The following CNTNAP4 variants were observed in gnomAD, a reference collection of about 807,000 sequenced individuals.
CNTNAP4 encodes the protein contactin associated protein family member 4, also known as contactin-associated protein-like 4.
CNTNAP4 carries 98 observed loss-of-function variants against 148.4 expected under a neutral mutation model. That is an observed-to-expected ratio of 0.66 (90% confidence interval 0.56 to 0.78). CNTNAP4 has a LOEUF of 0.78. CNTNAP4 is among the 30% of genes least tolerant of loss of function. The pLI, the probability that CNTNAP4 is intolerant of heterozygous loss-of-function variation, is 0.00. For missense variants in CNTNAP4, 1,935 were observed against 1,565.6 expected (o/e 1.24, Z -3.98); for synonymous variants, 730 against 565.1 (o/e 1.29, Z -4.14).
chr16:76,532,957 A>G (rs1020170739), intron 17 of CNTNAP4, among the ~76,000 whole-genome samples: 1 of 152,170 alleles, frequency 6.6e-6, no homozygotes, highest in Non-Finnish European at 1.5e-5. Context: ...AAATAGAACT[A>G]CAATGTGATC....
At chr16:76,329,580 A>G (rs898986863) in intron 2 of CNTNAP4, among the ~76,000 whole-genome samples, 5 of 152,192 alleles carry the variant, frequency 3.3e-5, no homozygotes, top group African/African-American at 1.2e-4. Flanking sequence ...CTCAAATAAG[A>G]CATTTTATCA....
chr16:76,289,495 A>G (rs1260028615), intron 1 of CNTNAP4, among the ~76,000 whole-genome samples: 2 of 150,648 alleles, frequency 1.3e-5, no homozygotes, highest in Non-Finnish European at 2.9e-5. Context: ...GCCTACAAAC[A>G]TATGCAAGAT....
At chr16:76,536,999 C>G (rs1283441799) in intron 18 of CNTNAP4, among the ~76,000 whole-genome samples, 1 of 152,124 alleles carries the variant, frequency 6.6e-6, no homozygotes, top group Non-Finnish European at 1.5e-5. Context: ...TGGCCAAATG[C>G]TCTTTTCAAG....
chr16:76,524,046 T>G (rs1356917833), intron 17 of CNTNAP4, among the ~76,000 whole-genome samples: 1 of 152,156 alleles, frequency 6.6e-6, no homozygotes, highest in East Asian at 1.9e-4. Context: ...TTATTAACCC[T>G]CTCTCACTGG....
intron 4 of CNTNAP4, among the ~76,000 whole-genome samples, chr16:76,437,032 A>G (rs1307268804): frequency 6.6e-6 from 1 of 151,114 alleles, no homozygotes; most frequent in African/African-American, 2.4e-5. Flanking sequence ...CATGATCACA[A>G]GGTCCTACAA....
At chr16:76,327,555 C>T (rs935465202) in intron 2 of CNTNAP4, among the ~76,000 whole-genome samples, 4 of 152,210 alleles carry the variant, frequency 2.6e-5, no homozygotes, top group Non-Finnish European at 5.9e-5. Context: ...CCCTGTCTCT[C>T]TCTCAGCCAG....
intron 8 of CNTNAP4, among the ~76,000 whole-genome samples, chr16:76,453,279 T>C (rs1269237076): frequency 6.6e-6 from 1 of 152,176 alleles, no homozygotes; most frequent in Non-Finnish European, 1.5e-5. Flanking sequence ...GAATACATTT[T>C]GAGGGGATGC....
intron 10 of CNTNAP4, among the ~76,000 whole-genome samples, chr16:76,470,498 A>ATATATATATATATATAT (rs2081329134): frequency 1.2e-4 from 4 of 32,574 alleles, no homozygotes; most frequent in South Asian, 1.7e-3. Context: ...TATATATATA[A>ATATATATATATATATAT]AATTAGTCGG....
At chr16:76,364,582 G>A (rs1223543660) in intron 3 of CNTNAP4, among the ~76,000 whole-genome samples, 1 of 152,046 alleles carries the variant, frequency 6.6e-6, no homozygotes, top group Non-Finnish European at 1.5e-5. Context: ...CCACGGCTGC[G>A]ATACTGTGTC....
intron 3 of CNTNAP4, among the ~76,000 whole-genome samples, chr16:76,389,878 C>G (rs764995526): frequency 1.3e-5 from 2 of 152,092 alleles, no homozygotes; most frequent in Non-Finnish European, 1.5e-5. Flanking sequence ...AGTTTGGGTT[C>G]CTCTAGAAGC....
intron 1 of CNTNAP4, among the ~76,000 whole-genome samples, chr16:76,279,682 T>C (rs1029170992): frequency 2.0e-5 from 3 of 152,218 alleles, no homozygotes; most frequent in Non-Finnish European, 4.4e-5. Context: ...TTGCTTACCA[T>C]GCATGTGGAG....
At chr16:76,306,524 A>G (rs1170804055) in intron 1 of CNTNAP4, among the ~76,000 whole-genome samples, 2 of 152,234 alleles carry the variant, frequency 1.3e-5, no homozygotes, top group East Asian at 3.8e-4. Context: ...AAAATGTTGA[A>G]AGCAAAAAGT....
intron 1 of CNTNAP4, among the ~76,000 whole-genome samples, chr16:76,298,371 G>A (rs1305667603): frequency 6.6e-6 from 1 of 152,066 alleles, no homozygotes; most frequent in Non-Finnish European, 1.5e-5. Flanking sequence ...AGGTTGATTG[G>A]GTGGGAGAAA....
At chr16:76,459,208 T>C (rs956804591) in intron 8 of CNTNAP4, among the ~76,000 whole-genome samples, 2 of 152,152 alleles carry the variant, frequency 1.3e-5, no homozygotes, top group African/African-American at 4.8e-5. Context: ...AAGAAATTTC[T>C]CTCTAAATGA....
At chr16:76,522,686 CCTTT>C (rs1214850977) in intron 17 of CNTNAP4, among the ~76,000 whole-genome samples, 9,898 of 79,666 alleles carry the variant, frequency 0.12, 1,968 homozygotes, top group Non-Finnish European at 0.16. Context: ...CTCTTTCTCT[CCTTT>C]CTTTTCTTTT....
intron 15 of CNTNAP4, among the ~76,000 whole-genome samples, chr16:76,510,198 C>G (rs1481915395): frequency 3.3e-5 from 5 of 149,994 alleles, no homozygotes; most frequent in Middle Eastern, 3.4e-3. Context: ...TTTTTTTTTT[C>G]TACAGACTTG....
Position 76,371,731 on chromosome 16 carries a change from C to G in CNTNAP4, c.390+16220C>G, listed in dbSNP as rs569211500. On this transcript the variant is annotated intron_variant, in intron 3 of 23. Coordinates refer to ENST00000611870, the MANE Select transcript of CNTNAP4 (RefSeq NM_033401.5). ...CTTGGCATATTTCACTGATGGTTTC[C>G]TTGTGCAACACAGCTCCAAGCTCAG... Among the ~76,000 whole-genome samples the G allele has an allele frequency of 4.1e-4, 62 of 152,320 alleles. 1 individual carries two copies. The South Asian group carries it at 0.011, about 27-fold the overall frequency.
chr16:76,504,654 A>T (rs181993700), intron 15 of CNTNAP4, among the ~76,000 whole-genome samples: 1 of 152,268 alleles, frequency 6.6e-6, no homozygotes, highest in African/African-American at 2.4e-5. Flanking sequence ...TTAAAATGAC[A>T]CTGTCGAGAA....
At chr16:76,496,085 T>TTGTGTGTGTGTATG (rs1555576717) in intron 14 of CNTNAP4, among the ~76,000 whole-genome samples, 1 of 140,036 alleles carries the variant, frequency 7.1e-6, no homozygotes, top group African/African-American at 2.5e-5. Flanking sequence ...CAAGATTATG[T>TTGTGTGTGTGTATG]TGTGTGTGTG....
Sources: allele counts gnomAD v4.1 joint callset (sites outside exome capture counted in the v4.1 genomes callset), GRCh38; gene constraint gnomAD v4.1.1; transcripts MANE v1.5; gene names NCBI Gene and HGNC (gene_info 2026-07-23, HGNC 2026-07-21).